Variants in TAFA4 observed in about 807,000 individuals in gnomAD.
The protein encoded by TAFA4 is chemokine-like protein TAFA-4.
In TAFA4, 20 loss-of-function variants were observed where a neutral mutation model predicts 21.1. That is an observed-to-expected ratio of 0.95 (90% CI 0.67 to 1.38). TAFA4 has a LOEUF of 1.38. TAFA4 is among the 40% of genes most tolerant of loss of function. TAFA4 has a pLI of 0.00. For synonymous variants in TAFA4, 71 were observed against 67.4 expected, an observed-to-expected ratio of 1.05 and a Z score of -0.26; for missense variants, 211 against 180.9, an observed-to-expected ratio of 1.17 and a Z score of -0.95.
chr3:68,872,861 C>T (rs1368768768), intron 3 of TAFA4, among the ~76,000 whole-genome samples: 3 of 152,100 alleles, frequency 2.0e-5, no homozygotes, highest in African/African-American at 7.2e-5. Flanking sequence ...CCCAGGGTCA[C>T]ATAGGTAGGA....
intron 1 of TAFA4, among the ~76,000 whole-genome samples, chr3:68,930,397 C>G (rs1210162804): frequency 6.6e-6 from 1 of 152,126 alleles, no homozygotes; most frequent in Non-Finnish European, 1.5e-5. Context: ...CTGGACAGGA[C>G]AACTTACTTA....
At chr3:68,799,925 A>C (rs761503129) in intron 3 of TAFA4, among the ~76,000 whole-genome samples, 3 of 152,074 alleles carry the variant, frequency 2.0e-5, no homozygotes, top group Non-Finnish European at 4.4e-5. Context: ...GATGAGCAGC[A>C]GCATTAGATT....
At chr3:68,743,793 A>G (rs1333808799) in intron 4 of TAFA4, among the ~76,000 whole-genome samples, 1 of 152,092 alleles carries the variant, frequency 6.6e-6, no homozygotes, top group African/African-American at 2.4e-5. Context: ...AAAGGGGTGG[A>G]GGGTGGTACT....
intron 3 of TAFA4, among the ~76,000 whole-genome samples, chr3:68,857,189 T>C (rs906023028): frequency 1.9e-4 from 29 of 152,164 alleles, no homozygotes; most frequent in Admixed American, 5.9e-4. Flanking sequence ...TTCTCCCAAT[T>C]TGTGCAAACT....
At chr3:68,868,724 CTATGGGA>C (rs1172974806) in intron 3 of TAFA4, among the ~76,000 whole-genome samples, 1 of 151,726 alleles carries the variant, frequency 6.6e-6, no homozygotes, top group Non-Finnish European at 1.5e-5. Flanking sequence ...ATCCCAAAAT[CTATGGGA>C]TACAGAAAAA....
rs2089783294 is a variant in TAFA4 at position 68,895,838 on chromosome 3, T to C, written c.-122-10528A>G. On this transcript the variant is annotated intron_variant, in intron 1 of 5. Coordinates refer to ENST00000295569, the MANE Select transcript of TAFA4 (RefSeq NM_182522.5). ...GTAAACAAGCATAAATAAGGTTAACTGTGGACTGAGAGAAGCATTACAGAG... is the reference window on the plus strand; with the variant it reads ...GTAAACAAGCATAAATAAGGTTAACCGTGGACTGAGAGAAGCATTACAGAG... Among the ~76,000 whole-genome samples the C allele has an allele frequency of 2.0e-5, 3 of 152,132 alleles. No homozygotes were observed. The South Asian group carries it at 6.2e-4, about 32-fold the overall frequency.
At chr3:68,795,545 T>C (rs745550182) in intron 3 of TAFA4, among the ~76,000 whole-genome samples, 1 of 152,174 alleles carries the variant, frequency 6.6e-6, no homozygotes, top group Non-Finnish European at 1.5e-5. Context: ...TTCTGCCGTA[T>C]TGACTAGAGT....
rs562732219 is a variant in TAFA4 at position 68,871,182 on chromosome 3, T to C, written c.130+9548A>G. 1.0e-3 allele frequency among the ~76,000 whole-genome samples: 156 copies of C among 152,182 alleles called. 1 individual carries two copies. Among genetic ancestry groups the C allele is most frequent in the African/African-American group, 3.4e-3 (143 of 41,526 alleles). On this transcript the variant is annotated intron_variant, in intron 3 of 5. Coordinates refer to ENST00000295569, the MANE Select transcript of TAFA4 (RefSeq NM_182522.5). The stretch of plus-strand genomic sequence containing the variant: ...AAGGATCTAGAACCAGAAATACCAT[T>C]TGACCCAGCAATCCCATTACTGAGT...
chr3:68,768,092 A>G (rs1465539442), intron 3 of TAFA4, among the ~76,000 whole-genome samples: 1 of 152,182 alleles, frequency 6.6e-6, no homozygotes, highest in Admixed American at 6.5e-5. Flanking sequence ...AAGCACAGGC[A>G]AGAAAAGCAA....
At chr3:68,742,477 T>TAACA (rs1319217702) in intron 4 of TAFA4, among the ~76,000 whole-genome samples, 1 of 152,164 alleles carries the variant, frequency 6.6e-6, no homozygotes, top group Non-Finnish European at 1.5e-5. Context: ...TTACAAATCC[T>TAACA]AACAGCTACT....
At chr3:68,798,790 CAAGA>C (rs1166491227) in intron 3 of TAFA4, among the ~76,000 whole-genome samples, 22 of 151,958 alleles carry the variant, frequency 1.4e-4, no homozygotes, top group African/African-American at 5.3e-4. Context: ...AAACTACATA[CAAGA>C]TAAAACCATC....
At chr3:68,758,724 C>T (rs529594121) in intron 3 of TAFA4, among the ~76,000 whole-genome samples, 14 of 152,244 alleles carry the variant, frequency 9.2e-5, no homozygotes, top group African/African-American at 2.2e-4. Context: ...GGTAGGTACT[C>T]GGCAACAGGT....
chr3:68,752,683 T>C (rs1350096520), intron 4 of TAFA4, among the ~76,000 whole-genome samples, 180 bp downstream of exon 4: 2 of 152,238 alleles, frequency 1.3e-5, no homozygotes, highest in Non-Finnish European at 1.5e-5. Context: ...TGGGACATTA[T>C]TGAAGGCATA....
chr3:68,756,552 G>A (rs1463971875), intron 3 of TAFA4, among the ~76,000 whole-genome samples: 1 of 152,106 alleles, frequency 6.6e-6, no homozygotes, highest in African/African-American at 2.4e-5. Context: ...CAATAACCTC[G>A]ATATTATTCT....
At chr3:68,758,085 T>A (rs1489993) in intron 3 of TAFA4, among the ~76,000 whole-genome samples, 105,031 of 152,080 alleles carry the variant, frequency 0.69, 36,824 homozygotes, top group East Asian at 0.99. Flanking sequence ...ATTCAAACCA[T>A]AAGATGAAGG....
At chr3:68,788,545 G>T (rs1267654788) in intron 3 of TAFA4, among the ~76,000 whole-genome samples, 1 of 152,200 alleles carries the variant, frequency 6.6e-6, no homozygotes, top group East Asian at 1.9e-4. Context: ...TCATTGACAA[G>T]ACCAACATCA....
At chr3:68,840,819 A>G (rs1704644394) in intron 3 of TAFA4, among the ~76,000 whole-genome samples, 1 of 152,180 alleles carries the variant, frequency 6.6e-6, no homozygotes, top group African/African-American at 2.4e-5. Context: ...CAAAGACCAC[A>G]CTGGGCTTAC....
intron 3 of TAFA4, among the ~76,000 whole-genome samples, chr3:68,815,778 T>C (rs995173584): frequency 2.6e-5 from 4 of 152,254 alleles, no homozygotes; most frequent in South Asian, 2.1e-4. Context: ...AATCTAGAAC[T>C]AGAAATACCA....
chr3:68,739,929 G>A (rs1702319034), intron 4 of TAFA4, among the ~76,000 whole-genome samples: 1 of 152,160 alleles, frequency 6.6e-6, no homozygotes, highest in South Asian at 2.1e-4. Flanking sequence ...TTTGGGTGAT[G>A]GCTACACTAA....
Sources: gnomAD v4.1 joint callset for allele counts (sites outside exome capture counted in the v4.1 genomes callset) on GRCh38, gnomAD v4.1.1 for gene constraint, MANE v1.5 for transcripts, NCBI Gene and HGNC (gene_info 2026-07-23, HGNC 2026-07-21) for gene names.